Variants in NANS observed in about 807,000 individuals in gnomAD.
NANS encodes the protein N-acetylneuraminate-9-phosphate synthase.
In NANS, 29 loss-of-function variants were observed where a neutral mutation model predicts 33.3. The observed-to-expected ratio is 0.87, with a 90% CI of 0.65 to 1.19. The LOEUF (loss-of-function observed/expected upper bound fraction) is 1.19. NANS is among the 50% of genes most tolerant of loss of function. The pLI is 0.00. For synonymous variants in NANS, 163 were observed against 177.2 expected (o/e 0.92, Z 0.64); for missense variants, 394 against 461.1 (o/e 0.85, Z 1.33).
chr9:98,057,178 G>A (rs1206818491), intron 1 of NANS, among the ~76,000 whole-genome samples: 5 of 152,300 alleles, frequency 3.3e-5, no homozygotes, highest in Admixed American at 6.5e-5. Flanking sequence ...CCCCGTTCTG[G>A]TGCCAGAATA....
rs41424445 is a variant in NANS at position 98,081,086 on chromosome 9, T to C, written c.870+4T>C. 1,773 of 1,614,076 alleles carry C rather than the reference T, an allele frequency of 1.1e-3. 15 individuals are homozygous for C. The African/African-American group carries it at 0.02, about 18-fold the overall frequency. On this transcript the variant is annotated splice_donor_region_variant and intron_variant, in intron 5 of 5. Coordinates refer to ENST00000210444, the MANE Select transcript of NANS (RefSeq NM_018946.4). The stretch of plus-strand genomic sequence containing the variant: ...TGAGATGGCCTGCAATGAGAAGGTG[T>C]GTCCTGCCGGACTCTACTCGGTTCT...
At chr9:98,069,017 A>T (rs1014128232) in intron 2 of NANS, among the ~76,000 whole-genome samples, 1 of 152,190 alleles carries the variant, frequency 6.6e-6, no homozygotes, top group African/African-American at 2.4e-5. Flanking sequence ...CAACCACTTA[A>T]CATAGACTGG....
chr9:98,064,368 C>T (rs1330090894), intron 2 of NANS, among the ~76,000 whole-genome samples: 1 of 152,202 alleles, frequency 6.6e-6, no homozygotes, highest in Non-Finnish European at 1.5e-5. Flanking sequence ...ATTCTCGTGC[C>T]TCAGCCTCCT....
At chr9:98,072,133 C>T (rs1829363741) in intron 2 of NANS, among the ~76,000 whole-genome samples, 2 of 152,158 alleles carry the variant, frequency 1.3e-5, no homozygotes. Flanking sequence ...GGCTTGGGCT[C>T]CTCATGTAAC....
chr9:98,062,777 G>GTTTT (rs765558300), intron 2 of NANS, among the ~76,000 whole-genome samples: 5 of 109,324 alleles, frequency 4.6e-5, no homozygotes, highest in Admixed American at 1.0e-4. Flanking sequence ...AGTTATTTCA[G>GTTTT]TTTTTTTTTT....
intron 5 of NANS, among the ~76,000 whole-genome samples, chr9:98,082,380 C>T (rs762350465): frequency 2.6e-5 from 4 of 152,130 alleles, no homozygotes; most frequent in East Asian, 1.9e-4. Flanking sequence ...AGTCACCCAC[C>T]CTGTATGGGC....
At chr9:98,061,558 G>A (rs150687548) in intron 2 of NANS, among the ~76,000 whole-genome samples, 2,104 of 150,180 alleles carry the variant, frequency 0.014, 47 homozygotes, top group African/African-American at 0.049. Flanking sequence ...GAGACAGGCA[G>A]GTCACGAGGT....
intron 2 of NANS, among the ~76,000 whole-genome samples, chr9:98,068,037 G>C (rs1829201058): frequency 6.6e-6 from 1 of 151,970 alleles, no homozygotes; most frequent in Non-Finnish European, 1.5e-5. Context: ...TCACTTACTT[G>C]ATAGTGTCCT....
rs1274105383 is a variant in NANS, at chr9:98,082,889, C to A, written c.914C>A (p.Thr305Asn). 2 of 1,614,126 alleles carry A rather than the reference C, an allele frequency of 1.2e-6. No homozygotes were observed. The highest frequency in any genetic ancestry group is 1.1e-5 in the South Asian group (1 of 91,082). ...VVAKVKIPEG[T>N]ILTMDMLTVK... Reference sequence around the variant, plus strand: ...GCCAAAGTGAAAATTCCGGAAGGCACCATTCTAACAATGGACATGCTCACC... The same window carrying A: ...GCCAAAGTGAAAATTCCGGAAGGCAACATTCTAACAATGGACATGCTCACC... The change falls in exon 6 of 6, where the codon ACC (threonine) becomes AAC (asparagine). Residue 305 changes from threonine to asparagine, a missense_variant. Physicochemically the swap from Thr to Asn is moderately conservative, Grantham distance 65. Coordinates refer to ENST00000210444, the MANE Select transcript of NANS (RefSeq NM_018946.4).
chr9:98,062,456 TA>T (rs199985373), intron 2 of NANS, among the ~76,000 whole-genome samples: 1 of 152,036 alleles, frequency 6.6e-6, no homozygotes, highest in Non-Finnish European at 1.5e-5. Context: ...CTTTTGAATG[TA>T]AAAAAAATTT....
intron 2 of NANS, among the ~76,000 whole-genome samples, chr9:98,073,157 C>G (rs897721471): frequency 6.6e-5 from 10 of 152,034 alleles, no homozygotes; most frequent in African/African-American, 2.4e-4. Flanking sequence ...CCAGCACCTG[C>G]CTCTGTCCTA....
At chr9:98,077,078 C>A in intron 3 of NANS, 61 bp downstream of exon 3, 1 of 1,252,012 alleles carries the variant, frequency 8.0e-7, no homozygotes, top group South Asian at 1.4e-5. Context: ...TTTTTACTCC[C>A]CTCATGGTGG....
At chr9:98,082,075 A>G (rs573465646) in intron 5 of NANS, 1 of 152,156 alleles carries the variant, frequency 6.6e-6, no homozygotes, top group Non-Finnish European at 1.5e-5. Context: ...CGTGGAGGAT[A>G]TAGAGTAATA....
intron 1 of NANS, among the ~76,000 whole-genome samples, chr9:98,058,852 C>T (rs1828896572): frequency 6.6e-6 from 1 of 152,140 alleles, no homozygotes; most frequent in Non-Finnish European, 1.5e-5. Flanking sequence ...TTAGTCAGGT[C>T]AGTCTGGGCC....
At chr9:98,058,997 A>G (rs1268827246) in intron 1 of NANS, among the ~76,000 whole-genome samples, 3 of 152,024 alleles carry the variant, frequency 2.0e-5, no homozygotes, top group Admixed American at 2.0e-4. Flanking sequence ...TAGTGATCTC[A>G]GCACTGACAT....
chr9:98,078,079 TAA>T, intron 3 of NANS, 112 bp from the exon 4 acceptor site: 1 of 1,483,302 alleles, frequency 6.7e-7, no homozygotes, highest in African/African-American at 1.4e-5. Context: ...CACAGTGTTT[TAA>T]GAGATGTCTG....
Position 98,056,930 on chromosome 9 carries a change from G to A in NANS, c.122G>A (p.Arg41His), listed in dbSNP as rs773169954. ...GDLDVAKRMI[R>H]MAKECGADCA... ...CTGGACGTAGCCAAGCGCATGATCC[G>A]CATGGCCAAGGTGAGGCGGCAGCTC... The change falls in exon 1 of 6, where the codon CGC becomes CAC. Residue 41 changes from arginine (R) to histidine (H), a missense_variant. Transcript: ENST00000210444. 2 of 1,598,646 alleles carry A rather than the reference G, an allele frequency of 1.3e-6. No homozygotes were observed. Among genetic ancestry groups the A allele is most frequent in the East Asian group, 4.6e-5 (2 of 43,120 alleles).
chr9:98,065,307 G>GGT (rs1829104922), intron 2 of NANS, among the ~76,000 whole-genome samples: 1 of 108,468 alleles, frequency 9.2e-6, no homozygotes, highest in African/African-American at 4.7e-5. Context: ...CACTCCTGGT[G>GGT]CTTTTTTTTT....
chr9:98,082,376 C>G (rs1343464759), intron 5 of NANS, among the ~76,000 whole-genome samples: 1 of 152,128 alleles, frequency 6.6e-6, no homozygotes, highest in African/African-American at 2.4e-5. Flanking sequence ...GCCAAGTCAC[C>G]CACCCTGTAT....
Sources: allele counts gnomAD v4.1 joint callset (sites outside exome capture counted in the v4.1 genomes callset), GRCh38; gene constraint gnomAD v4.1.1; transcripts MANE v1.5; gene names NCBI Gene and HGNC (gene_info 2026-07-23, HGNC 2026-07-21).